PLPPR1: variants seen among roughly 807,000 people sequenced by gnomAD.
PLPPR1 encodes phospholipid phosphatase-related protein type 1.
A neutral mutation model predicts 33.1 loss-of-function variants in PLPPR1; 10 were observed. The observed-to-expected ratio is 0.30, with a 90% CI of 0.19 to 0.51. PLPPR1 has a LOEUF of 0.51. Ranked by LOEUF, PLPPR1 falls within the 20% of genes least tolerant of loss-of-function variation. The pLI is 0.97. For synonymous variants in PLPPR1, 151 were observed against 151.0 expected, an observed-to-expected ratio of 1.00 and a Z score of 0.00; for missense variants, 304 against 408.1, an observed-to-expected ratio of 0.74 and a Z score of 2.20.
chr9:101,124,118 G>A (rs776654446), intron 1 of PLPPR1, among the ~76,000 whole-genome samples: 3 of 152,040 alleles, frequency 2.0e-5, no homozygotes, highest in Non-Finnish European at 1.5e-5. Flanking sequence ...ATTGAGCAAG[G>A]CACTTTCATG....
At chr9:101,063,204 A>G (rs907889017) in intron 1 of PLPPR1, among the ~76,000 whole-genome samples, 18 of 152,020 alleles carry the variant, frequency 1.2e-4, no homozygotes, top group Non-Finnish European at 2.5e-4. Flanking sequence ...ATTTCTTTTC[A>G]TTTAAAAGAA....
At chr9:101,128,692 T>A (rs1378233964) in intron 1 of PLPPR1, among the ~76,000 whole-genome samples, 1 of 152,192 alleles carries the variant, frequency 6.6e-6, no homozygotes, top group Non-Finnish European at 1.5e-5. Flanking sequence ...ATCCATGTAA[T>A]CTGCAGGGTT....
intron 2 of PLPPR1, among the ~76,000 whole-genome samples, chr9:101,255,752 A>T (rs2118872118): frequency 6.6e-6 from 1 of 152,298 alleles, no homozygotes; most frequent in Non-Finnish European, 1.5e-5. Flanking sequence ...AACAACATGC[A>T]ACTGAGTAGT....
chr9:101,259,247 C>G (rs1017959647), intron 2 of PLPPR1, among the ~76,000 whole-genome samples: 3 of 152,006 alleles, frequency 2.0e-5, no homozygotes, highest in Non-Finnish European at 4.4e-5. Context: ...AGAGGTAGAC[C>G]TATGTATTCT....
intron 2 of PLPPR1, among the ~76,000 whole-genome samples, chr9:101,229,640 T>C (rs1430341701): frequency 6.6e-6 from 1 of 152,118 alleles, no homozygotes; most frequent in African/African-American, 2.4e-5. Flanking sequence ...AAATAAGGTG[T>C]CCAATTCTAA....
At chr9:101,152,203 GA>G (rs1371626739) in intron 1 of PLPPR1, among the ~76,000 whole-genome samples, 5 of 152,192 alleles carry the variant, frequency 3.3e-5, no homozygotes, top group African/African-American at 1.2e-4. Flanking sequence ...CTTATTTTGA[GA>G]AGTGTCTGTT....
At chr9:101,113,375 T>A (rs1831080720) in intron 1 of PLPPR1, among the ~76,000 whole-genome samples, 1 of 152,140 alleles carries the variant, frequency 6.6e-6, no homozygotes, top group South Asian at 2.1e-4. Flanking sequence ...TGTGTGCTGT[T>A]TAGAGAAGCA....
At chr9:101,253,903 T>C (rs1170155042) in intron 2 of PLPPR1, among the ~76,000 whole-genome samples, 2 of 152,158 alleles carry the variant, frequency 1.3e-5, no homozygotes, top group African/African-American at 4.8e-5. Flanking sequence ...TTTTAGTACA[T>C]GTTTTTAACT....
intron 2 of PLPPR1, among the ~76,000 whole-genome samples, chr9:101,193,601 T>C (rs1249673255): frequency 6.6e-6 from 1 of 152,212 alleles, no homozygotes; most frequent in Non-Finnish European, 1.5e-5. Context: ...AGATTTTTTA[T>C]GTCCCCAAAA....
At chr9:101,217,624 C>T (rs557280343) in intron 2 of PLPPR1, among the ~76,000 whole-genome samples, 1 of 152,238 alleles carries the variant, frequency 6.6e-6, no homozygotes, top group African/African-American at 2.4e-5. Flanking sequence ...AGCAGCCATA[C>T]ATAATACATA....
intron 1 of PLPPR1, among the ~76,000 whole-genome samples, chr9:101,146,869 A>T (rs1266617089): frequency 6.6e-6 from 1 of 152,214 alleles, no homozygotes; most frequent in Non-Finnish European, 1.5e-5. Context: ...TAATTTTGCA[A>T]TTGTAAGCCT....
chr9:101,269,433 CCTTTCAT>C (rs1828055318), intron 2 of PLPPR1, among the ~76,000 whole-genome samples: 1 of 152,146 alleles, frequency 6.6e-6, no homozygotes, highest in Non-Finnish European at 1.5e-5. Flanking sequence ...GGTTTACCTA[CCTTTCAT>C]ATTTCATAAG....
intron 2 of PLPPR1, among the ~76,000 whole-genome samples, chr9:101,215,353 C>T (rs185587222): frequency 6.6e-6 from 1 of 151,990 alleles, no homozygotes; most frequent in Non-Finnish European, 1.5e-5. Context: ...CATCTCGGCT[C>T]ACTGCAACCT....
At chr9:101,224,774 G>A (rs1050573010) in intron 2 of PLPPR1, among the ~76,000 whole-genome samples, 2 of 152,128 alleles carry the variant, frequency 1.3e-5, no homozygotes, top group African/African-American at 2.4e-5. Context: ...CCAAAGCTAC[G>A]CACATTAGGT....
intron 2 of PLPPR1, among the ~76,000 whole-genome samples, chr9:101,267,681 A>C (rs1163647612): frequency 6.6e-6 from 1 of 152,224 alleles, no homozygotes; most frequent in East Asian, 1.9e-4. Flanking sequence ...TAAAAGGTAA[A>C]CACCTTTAGA....
At chr9:101,308,982 T>C (rs1470031723) in intron 4 of PLPPR1, among the ~76,000 whole-genome samples, 3 of 152,212 alleles carry the variant, frequency 2.0e-5, no homozygotes. Flanking sequence ...ACTGTGCTTT[T>C]TCTAAACTAC....
At chr9:101,090,071 CT>C (rs1175073801) in intron 1 of PLPPR1, among the ~76,000 whole-genome samples, 4 of 152,112 alleles carry the variant, frequency 2.6e-5, no homozygotes, top group African/African-American at 9.7e-5. Context: ...AGACATATTC[CT>C]TGGTTTGTGG....
chr9:101,217,194 T>C (rs906060879), intron 2 of PLPPR1, among the ~76,000 whole-genome samples: 3 of 151,996 alleles, frequency 2.0e-5, no homozygotes, highest in African/African-American at 7.2e-5. Context: ...TAGTAATTAT[T>C]GAAAGAAATT....
At chr9:101,309,164 T>C in intron 4 of PLPPR1, 47 bp from the exon 5 acceptor site, 2 of 1,602,348 alleles carry the variant, frequency 1.2e-6, no homozygotes, top group African/African-American at 2.7e-5. Flanking sequence ...AAAAATGCAA[T>C]TGACAGAGTA....
Sources: allele counts gnomAD v4.1 joint callset (sites outside exome capture counted in the v4.1 genomes callset), GRCh38; gene constraint gnomAD v4.1.1; transcripts MANE v1.5; gene names NCBI Gene and HGNC (gene_info 2026-07-23, HGNC 2026-07-21).